The following PDCD11 variants were observed in gnomAD, a reference collection of about 807,000 sequenced individuals.
The protein encoded by PDCD11 is protein RRP5 homolog.
A neutral mutation model predicts 198.9 loss-of-function variants in PDCD11; 97 were observed. The observed-to-expected ratio is 0.49, with a 90% confidence interval of 0.41 to 0.58. The LOEUF is 0.58. Ranked by LOEUF, PDCD11 falls within the 20% of genes least tolerant of loss-of-function variation. The probability of loss-of-function intolerance (pLI) is 0.00; values close to 1 mark genes in which losing one functional copy is unlikely to be tolerated. For synonymous variants in PDCD11, 893 were observed against 918.0 expected (o/e 0.97, Z 0.49); for missense variants, 2,102 against 2,312.7 (o/e 0.91, Z 1.87).
chr10:103,404,887 TG>T, intron 4 of PDCD11, 134 bp from the exon 5 acceptor site: 2 of 681,472 alleles, frequency 2.9e-6, no homozygotes, highest in South Asian at 2.0e-5. Flanking sequence ...CCTTTGTGGA[TG>T]GGGGGTTATT....
At chr10:103,433,830 T>TAAAAAA in intron 22 of PDCD11, 118 bp from the exon 23 acceptor site, 1 of 741,210 alleles carries the variant, frequency 1.3e-6, no homozygotes, top group Non-Finnish European at 2.4e-6. Flanking sequence ...AAGGGTGGAT[T>TAAAAAA]CCTGTCTCTT....
chr10:103,414,028 T>C lies in PDCD11; in HGVS notation c.1248T>C (p.Thr416=). Residue 416 remains threonine (T), a synonymous_variant, in exon 10 of 36, where the codon ACT becomes ACC. Coordinates refer to ENST00000369797, the MANE Select transcript of PDCD11 (RefSeq NM_014976.2). ...FNPEAFKPGN[T]HKCRIIDYSQ... ...CTGAGGCCTTCAAGCCAGGGAACAC[T>C]CACAAGTGTAGAATTATTGACTACA... 1 of 1,613,674 alleles carries C rather than the reference T, an allele frequency of 6.2e-7. No homozygotes were observed. Among genetic ancestry groups the C allele is most frequent in the Non-Finnish European group, 8.5e-7 (1 of 1,179,838 alleles).
intron 16 of PDCD11, 78 bp downstream of exon 16, chr10:103,419,786 G>A: frequency 7.5e-7 from 1 of 1,325,908 alleles, no homozygotes. Flanking sequence ...GGGAGGAGTA[G>A]GATACTTTAT....
chr10:103,434,216 C>G (rs2032052108), intron 23 of PDCD11, 32 bp from the exon 24 acceptor site: 2 of 1,455,000 alleles, frequency 1.4e-6, no homozygotes, highest in Admixed American at 1.7e-5. Flanking sequence ...AGCCTTTCTT[C>G]AAGCATCACA....
At position 103,434,230 on chromosome 10, in the gene PDCD11, G is replaced by A. The variant is rs767746396; in HGVS notation, c.3565-18G>A. 3.7e-5 allele frequency: 58 copies of A among 1,566,468 alleles called. No homozygotes were observed. Among genetic ancestry groups the A allele is most frequent in the Non-Finnish European group, 4.8e-5 (55 of 1,136,906 alleles). On this transcript the variant is annotated intron_variant, in intron 23 of 35. Transcript: ENST00000369797. ...CAGCCTTTCTTCAAGCATCACAGGA[G>A]TTTTTTTATCCTTCCAGGTTCTGAA...
chr10:103,444,909 C>G (rs929245719), intron 35 of PDCD11, among the ~76,000 whole-genome samples: 1 of 152,210 alleles, frequency 6.6e-6, no homozygotes, highest in Non-Finnish European at 1.5e-5. Context: ...TCAAGAGACT[C>G]GAGTTTCTCT....
chr10:103,421,587 G>T lies in PDCD11; in HGVS notation c.2497+20G>T. ...ACCGAGGTGGGGCACCTGTGGGGCAGGGGAGGTGGGCCAGGGGTGGGAGTA... is the reference window on the plus strand; with the variant it reads ...ACCGAGGTGGGGCACCTGTGGGGCATGGGAGGTGGGCCAGGGGTGGGAGTA... On this transcript the variant is annotated intron_variant, in intron 17 of 35. Coordinates refer to ENST00000369797, the MANE Select transcript of PDCD11 (RefSeq NM_014976.2). 2.0e-6 allele frequency: 3 copies of T among 1,528,850 alleles called. No individual in the cohort carries two copies. The South Asian group carries it at 3.6e-5, about 18-fold the overall frequency. 94.7% of individuals were successfully genotyped at this position (1,528,850 alleles called of 1,614,324 possible). A position where few individuals can be genotyped will look rare whatever the true frequency, so the allele number is the denominator to read the frequency against.
chr10:103,430,049 G>A (rs2031864329), intron 21 of PDCD11, among the ~76,000 whole-genome samples: 1 of 152,090 alleles, frequency 6.6e-6, no homozygotes, highest in African/African-American at 2.4e-5. Context: ...GGAGTGCAGT[G>A]GCGTGATCAT....
intron 34 of PDCD11, 144 bp from the exon 35 acceptor site, chr10:103,444,372 CT>C: frequency 1.3e-6 from 1 of 783,960 alleles, no homozygotes; most frequent in Non-Finnish European, 2.1e-6. Flanking sequence ...AAACCCACCC[CT>C]TTTGGGTCTT....
intron 21 of PDCD11, among the ~76,000 whole-genome samples, chr10:103,429,653 CA>C (rs1427080238): frequency 6.6e-6 from 1 of 152,026 alleles, no homozygotes; most frequent in Non-Finnish European, 1.5e-5. Flanking sequence ...ATTACTATAA[CA>C]CATACATTTA....
chr10:103,422,946 C>CT (rs2031518800), intron 17 of PDCD11, 42 bp from the exon 18 acceptor site: 1 of 1,416,840 alleles, frequency 7.1e-7, no homozygotes, highest in Non-Finnish European at 9.3e-7. Context: ...AGTGAGAGTT[C>CT]TTTCATGGTA....
In PDCD11 at chr10:103,418,554, G is replaced by C; in HGVS notation, c.2026G>C (p.Gly676Arg). 1 of 1,614,110 alleles carries C rather than the reference G, an allele frequency of 6.2e-7. No individual in the cohort carries two copies. Among genetic ancestry groups the C allele is most frequent in the Non-Finnish European group, 8.5e-7 (1 of 1,180,018 alleles). ...TSHLSDHVAN[G>R]PLLHHWLQAG... ...TCATCTGTCGGACCACGTTGCCAACGGCCCATTGTTACATCATTGGCTCCA... is the reference window on the plus strand; with the variant it reads ...TCATCTGTCGGACCACGTTGCCAACCGCCCATTGTTACATCATTGGCTCCA... The change falls in exon 15 of 36, where the codon GGC (glycine) becomes CGC (arginine). Residue 676 changes from glycine to arginine, a missense_variant. Gly to Arg is a moderately radical substitution (Grantham distance 125). Coordinates refer to ENST00000369797, the MANE Select transcript of PDCD11 (RefSeq NM_014976.2).
intron 8 of PDCD11, among the ~76,000 whole-genome samples, chr10:103,410,554 A>T (rs2030735186): frequency 6.6e-6 from 1 of 151,416 alleles, no homozygotes; most frequent in African/African-American, 2.4e-5. Context: ...ATATTAGGCA[A>T]TCAGGTGTTA....
At chr10:103,437,881 T>G in intron 25 of PDCD11, 134 bp from the exon 26 acceptor site, 4 of 694,010 alleles carry the variant, frequency 5.8e-6, no homozygotes, top group South Asian at 5.1e-5. Context: ...TTCAACAGAA[T>G]GAAGAAACAT....
chr10:103,441,098 G>A (rs1378823012), intron 30 of PDCD11, among the ~76,000 whole-genome samples: 2 of 152,174 alleles, frequency 1.3e-5, no homozygotes, highest in Admixed American at 1.3e-4. Context: ...GGCAGAGAAA[G>A]AGGAGGCTGA....
intron 29 of PDCD11, 47 bp from the exon 30 acceptor site, chr10:103,440,687 G>C (rs371601665): frequency 8.7e-6 from 14 of 1,613,690 alleles, no homozygotes; most frequent in African/African-American, 1.3e-5. Flanking sequence ...GTGTCGCCTG[G>C]GGCTGCAGGA....
At chr10:103,426,330 A>C (rs1401648054) in intron 20 of PDCD11, among the ~76,000 whole-genome samples, 3 of 152,342 alleles carry the variant, frequency 2.0e-5, no homozygotes, top group African/African-American at 7.2e-5. Flanking sequence ...GCAAAAAAAG[A>C]ATTCAAAGTC....
At chr10:103,418,700 T>G (rs2031257326) in intron 15 of PDCD11, 66 bp downstream of exon 15, 2 of 1,349,046 alleles carry the variant, frequency 1.5e-6, no homozygotes, top group South Asian at 1.3e-5. Context: ...GATGGGAAAT[T>G]CTGGGGAAAT....
At chr10:103,411,541 A>G (rs2030809336) in intron 8 of PDCD11, among the ~76,000 whole-genome samples, 1 of 151,524 alleles carries the variant, frequency 6.6e-6, no homozygotes, top group Admixed American at 6.6e-5. Context: ...AATTTTTGCT[A>G]TGTTTTATAG....
Sources: allele counts gnomAD v4.1 joint callset (sites outside exome capture counted in the v4.1 genomes callset), GRCh38; gene constraint gnomAD v4.1.1; transcripts MANE v1.5; gene names NCBI Gene and HGNC (gene_info 2026-07-23, HGNC 2026-07-21).